Variants in EHMT1 observed in about 807,000 individuals in gnomAD.
The protein encoded by EHMT1 is euchromatic histone lysine methyltransferase 1.
Under a neutral mutation model 147.2 loss-of-function variants are expected in EHMT1, and 15 were observed. That is an observed-to-expected ratio of 0.10 (90% CI 0.07 to 0.16). The LOEUF is 0.16. Ranked by LOEUF, EHMT1 falls within the 10% of genes least tolerant of loss-of-function variation. EHMT1 has a pLI of 1.00. For synonymous variants in EHMT1, 795 were observed against 709.6 expected (o/e 1.12, Z -1.91); for missense variants, 1,587 against 1,772.4 (o/e 0.90, Z 1.88).
At chr9:137,660,442 A>G (rs1938959075) in intron 1 of EHMT1, among the ~76,000 whole-genome samples, 1 of 152,114 alleles carries the variant, frequency 6.6e-6, no homozygotes. Context: ...CGTATCCCAC[A>G]GTTCAAATGT....
intron 1 of EHMT1, among the ~76,000 whole-genome samples, chr9:137,670,585 T>C (rs1940471465): frequency 6.6e-6 from 1 of 152,138 alleles, no homozygotes; most frequent in Non-Finnish European, 1.5e-5. Context: ...CCTTCTGACT[T>C]CCTCAGTCTC....
At chr9:137,788,142 G>C in intron 15 of EHMT1, 1 of 1,053,872 alleles carries the variant, frequency 9.5e-7, no homozygotes, top group Non-Finnish European at 1.3e-6. Context: ...CAGGGGTGGG[G>C]TGGTCACTGC....
At chr9:137,823,905 G>C (rs1466975905) in intron 25 of EHMT1, among the ~76,000 whole-genome samples, 1 of 152,222 alleles carries the variant, frequency 6.6e-6, no homozygotes, top group Non-Finnish European at 1.5e-5. Flanking sequence ...AGTTGTAGGA[G>C]CTCTTTCCAT....
intron 25 of EHMT1, among the ~76,000 whole-genome samples, chr9:137,830,260 C>G (rs1283803993): frequency 6.6e-6 from 1 of 152,174 alleles, no homozygotes; most frequent in Non-Finnish European, 1.5e-5. Flanking sequence ...ACCCAGGCCT[C>G]CCTTATGTTC....
rs138501910 is a variant in EHMT1 at position 137,753,157 on chromosome 9, G to T, written c.1248+749G>T. Among the ~76,000 whole-genome samples, 328 of 152,240 alleles carry T rather than the reference G, an allele frequency of 2.2e-3. 1 individual carries two copies. In the Middle Eastern group the frequency reaches 0.024, roughly 11 times the overall value. On this transcript the variant is annotated intron_variant, in intron 7 of 26. Transcript: ENST00000460843. The stretch of plus-strand genomic sequence containing the variant: ...CTGAGGAGGAGCTGTCTGTGCCGTG[G>T]GGGGAAAGCTCGGCAAGTTTGGGTC...
intron 1 of EHMT1, among the ~76,000 whole-genome samples, chr9:137,656,125 A>G (rs1231080624): frequency 6.6e-6 from 1 of 152,202 alleles, no homozygotes; most frequent in African/African-American, 2.4e-5. Flanking sequence ...CACACCTATA[A>G]TCCCAGCACT....
At chr9:137,806,999 G>C (rs1954002816) in intron 18 of EHMT1, among the ~76,000 whole-genome samples, 1 of 152,154 alleles carries the variant, frequency 6.6e-6, no homozygotes, top group African/African-American at 2.4e-5. Flanking sequence ...CTAAGCCTTA[G>C]TTTGTCTGTA....
Position 137,775,271 on chromosome 9 carries a change from A to G in EHMT1, c.1791+19A>G. 4.4e-6 allele frequency: 7 copies of G among 1,607,510 alleles called. No homozygotes were observed. The highest frequency in any genetic ancestry group is 5.9e-6 in the Non-Finnish European group (7 of 1,179,698). On this transcript the variant is annotated intron_variant, in intron 11 of 26. Coordinates refer to ENST00000460843, the MANE Select transcript of EHMT1 (RefSeq NM_024757.5). The surrounding 1 kb of genome is among the most constrained non-coding windows in gnomAD (Gnocchi z 6.1). Reference sequence around the variant, plus strand: ...CACAGCGGTAAGAGCCCAGTCCGGCAGCCTCTGAGTCCTCCGCAGGCTTTG... The same window carrying G: ...CACAGCGGTAAGAGCCCAGTCCGGCGGCCTCTGAGTCCTCCGCAGGCTTTG...
At chr9:137,808,686 G>T (rs1255906811) in intron 18 of EHMT1, among the ~76,000 whole-genome samples, 4 of 148,784 alleles carry the variant, frequency 2.7e-5, no homozygotes, top group Non-Finnish European at 6.0e-5. Flanking sequence ...TGGGGGGGGC[G>T]CGTGGTGGCA....
intron 1 of EHMT1, among the ~76,000 whole-genome samples, chr9:137,679,622 T>C (rs1941744148): frequency 6.6e-6 from 1 of 152,228 alleles, no homozygotes; most frequent in Non-Finnish European, 1.5e-5. Context: ...GCCTGTTTAA[T>C]TCATTTGCCC....
In EHMT1 at chr9:137,828,307, GATGCCCTGGAC is replaced by G. The variant is rs1474057596; in HGVS notation, c.3541-6032_3541-6022del. Among the ~76,000 whole-genome samples, 14 of 147,274 alleles carry G rather than the reference GATGCCCTGGAC, an allele frequency of 9.5e-5. No individual in the cohort carries two copies. The highest frequency in any genetic ancestry group is 8.5e-4 in the East Asian group (4 of 4,686). On this transcript the variant is annotated intron_variant, in intron 25 of 26. Transcript: ENST00000460843. This position sits in a 1 kb window ranked among gnomAD's most constrained non-coding sequence, Gnocchi z 5.3. ...ATGGAACCCACACCCTGTCCCCAAA[GATGCCCTGGAC>G]ATGCCCTGGGGTGGGGGGTGGGGGG... is the stretch of plus-strand genomic sequence containing the variant.
intron 16 of EHMT1, 86 bp from the exon 17 acceptor site, chr9:137,798,727 C>T (rs868257150): frequency 9.3e-7 from 1 of 1,080,312 alleles, no homozygotes; most frequent in Non-Finnish European, 1.4e-6. Flanking sequence ...ATGGTAGACA[C>T]CGGGTTCTCC....
intron 10 of EHMT1, among the ~76,000 whole-genome samples, chr9:137,770,630 C>A (rs578217239): frequency 6.6e-6 from 1 of 152,338 alleles, no homozygotes; most frequent in African/African-American, 2.4e-5. Context: ...CAGCCATAAT[C>A]TTTCACCTGT....
At chr9:137,681,210 C>A (rs1222419217) in intron 1 of EHMT1, among the ~76,000 whole-genome samples, 2 of 152,080 alleles carry the variant, frequency 1.3e-5, no homozygotes, top group Non-Finnish European at 2.9e-5. Context: ...GTTCTCTGTC[C>A]CCGGGGAGCT....
chr9:137,721,732 T>A (rs1403714158), intron 3 of EHMT1, among the ~76,000 whole-genome samples: 2 of 152,124 alleles, frequency 1.3e-5, no homozygotes, highest in Non-Finnish European at 2.9e-5. Flanking sequence ...TCTTTCAGAC[T>A]TCTGCTCGTT....
rs1844645101 is a variant in EHMT1 at position 137,643,404 on chromosome 9, C to CAT, written c.21+24356_21+24357dup. Among the ~76,000 whole-genome samples, 3 of 147,572 alleles carry CAT rather than the reference C, an allele frequency of 2.0e-5. No individual in the cohort carries two copies. The South Asian group carries it at 6.5e-4, about 32-fold the overall frequency. Reference sequence around the variant, plus strand: ...CGCCCAGGCTGGAGTGCAGTGGTGCCATCTCGGCTCACTGCAAGCTCTGCC... The same window carrying CAT: ...CGCCCAGGCTGGAGTGCAGTGGTGCCATATCTCGGCTCACTGCAAGCTCTGCC... On this transcript the variant is annotated intron_variant, in intron 1 of 26. Transcript: ENST00000460843.
At chr9:137,635,713 G>A (rs955096432) in intron 1 of EHMT1, among the ~76,000 whole-genome samples, 16 of 150,938 alleles carry the variant, frequency 1.1e-4, no homozygotes, top group East Asian at 4.2e-4. Context: ...CCAGCTACTC[G>A]GGAGGCTGAG....
At chr9:137,821,494 A>G (rs1955421700) in intron 25 of EHMT1, among the ~76,000 whole-genome samples, 1 of 151,534 alleles carries the variant, frequency 6.6e-6, no homozygotes, top group South Asian at 2.1e-4. Context: ...TGCCCGGCTA[A>G]TTTTTTTATT....
intron 1 of EHMT1, among the ~76,000 whole-genome samples, chr9:137,645,029 C>T (rs924102069): frequency 2.0e-5 from 3 of 152,110 alleles, no homozygotes; most frequent in African/African-American, 2.4e-5. Flanking sequence ...TGTGTCACCA[C>T]GCCCGGCTAA....
Sources: allele counts gnomAD v4.1 joint callset (sites outside exome capture counted in the v4.1 genomes callset), GRCh38; gene constraint gnomAD v4.1.1; non-coding constraint Gnocchi (gnomAD v3.1); transcripts MANE v1.5; gene names NCBI Gene and HGNC (gene_info 2026-07-23, HGNC 2026-07-21).